The following PCDHGA2 variants were observed in gnomAD, a reference collection of about 807,000 sequenced individuals.
PCDHGA2 encodes protocadherin gamma subfamily A, 2.
PCDHGA2 carries 40 observed loss-of-function variants against 59.2 expected under a neutral mutation model. The ratio of observed to expected loss-of-function variants is 0.68; its 90% confidence interval spans 0.52 to 0.88. PCDHGA2 has a LOEUF of 0.88. Ranked by LOEUF, PCDHGA2 falls within the 40% of genes least tolerant of loss-of-function variation. PCDHGA2 has a pLI of 0.00. For missense variants in PCDHGA2, 1,226 were observed against 1,204.0 expected (o/e 1.02, Z -0.27); for synonymous variants, 560 against 526.0 (o/e 1.06, Z -0.89).
rs899154780 is a variant in PCDHGA2, at chr5:141,402,932, A to C, written c.2424+61537A>C. ...AGCGCGCACAGAGATCCTTTTGAGAAAATTCCAAAGCGAGGCAGCAATGGC... is the reference window on the plus strand; with the variant it reads ...AGCGCGCACAGAGATCCTTTTGAGACAATTCCAAAGCGAGGCAGCAATGGC... On this transcript the variant is annotated intron_variant, in intron 1 of 3. Coordinates refer to ENST00000394576, the MANE Select transcript of PCDHGA2 (RefSeq NM_018915.4). 3 of 1,584,974 alleles carry C rather than the reference A, an allele frequency of 1.9e-6. No individual in the cohort carries two copies. In the Admixed American group the frequency reaches 5.4e-5, roughly 29 times the overall value.
At chr5:141,422,424 T>G (rs1182660567) in intron 1 of PCDHGA2, 3 of 1,607,958 alleles carry the variant, frequency 1.9e-6, no homozygotes, top group Non-Finnish European at 2.5e-6. Flanking sequence ...AAAAGACTTA[T>G]GGAAATTATT....
chr5:141,357,058 G>T (rs1167854077), intron 1 of PCDHGA2: 3 of 1,613,880 alleles, frequency 1.9e-6, no homozygotes, highest in South Asian at 2.2e-5. Context: ...ATTTGCAGTG[G>T]GGCTGCACAC....
At chr5:141,399,591 G>A (rs2093843307) in intron 1 of PCDHGA2, 1 of 1,613,970 alleles carries the variant, frequency 6.2e-7, no homozygotes. Flanking sequence ...ACTCTATCAT[G>A]GCCAGCGACC....
chr5:141,365,813 A>G, intron 1 of PCDHGA2: 1 of 1,613,876 alleles, frequency 6.2e-7, no homozygotes, highest in East Asian at 2.2e-5. Flanking sequence ...GGCTGAAGAC[A>G]CATTTCAGGG....
intron 2 of PCDHGA2, among the ~76,000 whole-genome samples, chr5:141,502,832 G>T (rs1266910323): frequency 6.6e-6 from 1 of 150,516 alleles, no homozygotes; most frequent in Non-Finnish European, 1.5e-5. Context: ...GGGGAAGCCT[G>T]GACTGGCTGA....
chr5:141,417,387 G>GA (rs1356605500), intron 1 of PCDHGA2: 1 of 154,090 alleles, frequency 6.5e-6, no homozygotes, highest in Non-Finnish European at 1.4e-5. Context: ...AAATTTTGAA[G>GA]AAAAAATATT....
chr5:141,422,158 G>GA (rs1401712595), intron 1 of PCDHGA2: 2 of 1,571,916 alleles, frequency 1.3e-6, no homozygotes, highest in Middle Eastern at 1.7e-4. Flanking sequence ...TCTGGATTTT[G>GA]AAAAATATAG....
Position 141,489,089 on chromosome 5 carries a change from A to T in PCDHGA2, c.2425-5718A>T, listed in dbSNP as rs1214993065. The T allele has an allele frequency of 7.4e-5, 21 of 284,398 alleles. No homozygotes were observed. Among genetic ancestry groups the T allele is most frequent in the East Asian group, 1.1e-4 (2 of 17,560 alleles). The allele number at this position is 284,398 out of a possible 1,614,324, so 17.6% of individuals were successfully genotyped here. On this transcript the variant is annotated intron_variant, in intron 1 of 3. Coordinates refer to ENST00000394576, the MANE Select transcript of PCDHGA2 (RefSeq NM_018915.4). This position sits in a 1 kb window ranked among gnomAD's most constrained non-coding sequence, Gnocchi z 4.5. ...CCCTGCCCACCCCCGCCACTCGGTGACTAAGAACTGCTGCAAGCAGGCAAA... is the reference window on the plus strand; with the variant it reads ...CCCTGCCCACCCCCGCCACTCGGTGTCTAAGAACTGCTGCAAGCAGGCAAA...
rs770623588 is a variant in PCDHGA2, at chr5:141,410,424, C to A, written c.2424+69029C>A. ...GTCAAGTCTGGACCTGTAGTTCCCC[C>A]CAACTACAGTGAGGGGACTTTGCCT... is the stretch of plus-strand genomic sequence containing the variant. On this transcript the variant is annotated intron_variant, in intron 1 of 3. Transcript: ENST00000394576. The A allele has an allele frequency of 1.1e-5, 17 of 1,613,852 alleles. No homozygotes were observed. In the East Asian group the frequency reaches 3.6e-4, roughly 34 times the overall value.
chr5:141,447,388 T>C (rs1302757515), intron 1 of PCDHGA2, among the ~76,000 whole-genome samples: 3 of 152,166 alleles, frequency 2.0e-5, no homozygotes, highest in African/African-American at 7.2e-5. Flanking sequence ...TCTGCCCACC[T>C]CGGCCTCCCA....
At chr5:141,445,768 T>A (rs2098476928) in intron 1 of PCDHGA2, among the ~76,000 whole-genome samples, 1 of 152,074 alleles carries the variant, frequency 6.6e-6, no homozygotes, top group Admixed American at 6.6e-5. Context: ...CTCAAGCAAT[T>A]TAAAAGGGCT....
At position 141,489,157 on chromosome 5, in the gene PCDHGA2, C is replaced by A. The variant is rs1222682069; in HGVS notation, c.2425-5650C>A. 1.0e-6 allele frequency: 1 copy of A among 984,444 alleles called. No homozygotes were observed. The highest frequency in any genetic ancestry group is 1.6e-5 in the African/African-American group (1 of 61,296). The allele number at this position is 984,444 out of a possible 1,614,324, so 61.0% of individuals were successfully genotyped here. On this transcript the variant is annotated intron_variant, in intron 1 of 3. Coordinates refer to ENST00000394576, the MANE Select transcript of PCDHGA2 (RefSeq NM_018915.4). This position sits in a 1 kb window ranked among gnomAD's most constrained non-coding sequence, Gnocchi z 4.5. ...AGAGGCTGGAAGGAGACATAAGAGA[C>A]TTCAGCTGCTGCATTCCAAGCCCTG...
intron 1 of PCDHGA2, chr5:141,362,061 G>A (rs1318131072): frequency 6.2e-7 from 1 of 1,612,208 alleles, no homozygotes; most frequent in South Asian, 1.1e-5. Flanking sequence ...GCCAGCGCCT[G>A]CTGGTCGCTG....
chr5:141,432,400 G>A lies in PCDHGA2; in HGVS notation c.2425-62407G>A, dbSNP rs139153105. ...ACCCGCCCCTCAGCAGCAACGTGTC[G>A]TTGAGCCTGTTCGTGCTGGACCAGA... On this transcript the variant is annotated intron_variant, in intron 1 of 3. Transcript: ENST00000394576. The surrounding 1 kb of genome is among the most constrained non-coding windows in gnomAD (Gnocchi z 6.0). 5.6e-6 allele frequency: 9 copies of A among 1,614,122 alleles called. No homozygotes were observed. In the East Asian group the frequency reaches 6.7e-5, roughly 12 times the overall value.
chr5:141,415,107 A>T, intron 1 of PCDHGA2: 1 of 1,613,624 alleles, frequency 6.2e-7, no homozygotes, highest in Non-Finnish European at 8.5e-7. Flanking sequence ...CGCTCAAGCA[A>T]AGCCTCGTAG....
At chr5:141,428,754 T>C (rs932377392) in intron 1 of PCDHGA2, 7 of 154,708 alleles carry the variant, frequency 4.5e-5, no homozygotes, top group African/African-American at 1.4e-4. Context: ...TTGCTTCAGG[T>C]TTGTTTGCCC....
At chr5:141,419,826 C>T in intron 1 of PCDHGA2, 1 of 1,614,066 alleles carries the variant, frequency 6.2e-7, no homozygotes, top group Non-Finnish European at 8.5e-7. Flanking sequence ...CCCCTTTCAG[C>T]CACTGCCACG....
intron 1 of PCDHGA2, among the ~76,000 whole-genome samples, chr5:141,466,975 A>C (rs769024064): frequency 2.6e-5 from 4 of 151,842 alleles, no homozygotes; most frequent in Non-Finnish European, 5.9e-5. Context: ...CTCACAGCTC[A>C]TCATTTACCT....
chr5:141,402,770 G>A (rs1381501918), intron 1 of PCDHGA2, among the ~76,000 whole-genome samples: 1 of 152,154 alleles, frequency 6.6e-6, no homozygotes, highest in Non-Finnish European at 1.5e-5. Context: ...GACTCCATCC[G>A]GATTTCCAGT....
Sources: gnomAD v4.1 joint callset for allele counts (sites outside exome capture counted in the v4.1 genomes callset) on GRCh38, gnomAD v4.1.1 for gene constraint, Gnocchi (gnomAD v3.1) non-coding constraint, MANE v1.5 for transcripts, NCBI Gene and HGNC (gene_info 2026-07-23, HGNC 2026-07-21) for gene names.